The following IL1RAPL2 variants were observed in gnomAD, a reference collection of about 807,000 sequenced individuals.
The protein encoded by IL1RAPL2 is X-linked interleukin-1 receptor accessory protein-like 2.
Under a neutral mutation model 44.1 loss-of-function variants are expected in IL1RAPL2, and 3 were observed. The ratio of observed to expected loss-of-function variants is 0.07; its 90% confidence interval spans 0.03 to 0.18. The LOEUF (loss-of-function observed/expected upper bound fraction) is 0.18, where lower values mean the gene tolerates loss of function less well. Ranked by LOEUF, IL1RAPL2 falls within the 10% of genes least tolerant of loss-of-function variation. The pLI is 1.00. For missense variants in IL1RAPL2, 391 were observed against 496.4 expected (o/e 0.79, Z 2.02); for synonymous variants, 181 against 178.8 (o/e 1.01, Z -0.10).
intron 9 of IL1RAPL2, among the ~76,000 whole-genome samples, chrX:105,754,065 T>C (rs1967367756): frequency 8.9e-6 from 1 of 112,065 alleles, no homozygotes; most frequent in African/African-American, 3.2e-5. Flanking sequence ...TACCTTTTGG[T>C]CAGGTTTTAG....
chrX:104,994,926 C>A (rs1451552162), intron 2 of IL1RAPL2, among the ~76,000 whole-genome samples: 2 of 110,384 alleles, frequency 1.8e-5, no homozygotes, highest in East Asian at 5.8e-4. Flanking sequence ...GATAGATGTA[C>A]AAGACCTGGG....
At chrX:104,892,405 G>T (rs958443092) in intron 2 of IL1RAPL2, among the ~76,000 whole-genome samples, 3 of 111,555 alleles carry the variant, frequency 2.7e-5, no homozygotes, top group African/African-American at 6.5e-5. Context: ...GTAGAATTCG[G>T]CTGTGAATCT....
chrX:104,909,779 A>T (rs1014213475), intron 2 of IL1RAPL2, among the ~76,000 whole-genome samples: 2 of 112,377 alleles, frequency 1.8e-5, no homozygotes, highest in Admixed American at 1.9e-4. Context: ...AAGTCTGCAG[A>T]GGTTACTGCT....
intron 6 of IL1RAPL2, among the ~76,000 whole-genome samples, chrX:105,591,899 G>T (rs1185834619): frequency 4.5e-5 from 5 of 111,113 alleles, no homozygotes; most frequent in African/African-American, 1.3e-4. Context: ...TTGTTGTTTT[G>T]GGTGGAGAGT....
At chrX:104,946,207 C>T (rs1197804018) in intron 2 of IL1RAPL2, among the ~76,000 whole-genome samples, 1 of 100,257 alleles carries the variant, frequency 1.0e-5, no homozygotes, top group African/African-American at 3.6e-5. Context: ...CCCGTCTCTA[C>T]TAAAAATACA....
At chrX:105,025,938 G>A (rs2031363620) in intron 2 of IL1RAPL2, among the ~76,000 whole-genome samples, 3 of 111,207 alleles carry the variant, frequency 2.7e-5, no homozygotes, top group Admixed American at 1.9e-4. Context: ...TGAGCATAGG[G>A]TAGAGGTTGA....
chrX:105,603,722 C>T (rs1338313486), intron 6 of IL1RAPL2, among the ~76,000 whole-genome samples: 1 of 111,551 alleles, frequency 9.0e-6, no homozygotes, highest in Non-Finnish European at 1.9e-5. Flanking sequence ...ATACAGAATA[C>T]ATATTCTTCT....
At chrX:105,115,367 T>G (rs1216000656) in intron 2 of IL1RAPL2, among the ~76,000 whole-genome samples, 2 of 111,637 alleles carry the variant, frequency 1.8e-5, no homozygotes, top group Non-Finnish European at 3.8e-5. Context: ...CCTGCCTTTA[T>G]TCTCTTATCT....
At chrX:105,401,597 G>A (rs1340953325) in intron 5 of IL1RAPL2, among the ~76,000 whole-genome samples, 2 of 110,344 alleles carry the variant, frequency 1.8e-5, no homozygotes, top group African/African-American at 6.6e-5. Context: ...CAACTGGGAG[G>A]CAGTCCAGAG....
At chrX:105,364,427 T>C (rs1191731872) in intron 5 of IL1RAPL2, among the ~76,000 whole-genome samples, 1 of 111,034 alleles carries the variant, frequency 9.0e-6, no homozygotes, top group Non-Finnish European at 1.9e-5. Flanking sequence ...TCCATATGAA[T>C]TTTAGGATTG....
intron 2 of IL1RAPL2, among the ~76,000 whole-genome samples, chrX:104,998,617 T>TA (rs1467521458): frequency 9.1e-6 from 1 of 109,532 alleles, no homozygotes; most frequent in Non-Finnish European, 1.9e-5. Flanking sequence ...TTACAAAAAA[T>TA]AAAAAATCAA....
In IL1RAPL2 at chrX:105,406,580, C is replaced by T. The variant is rs1429069855; in HGVS notation, c.698-77733C>T. ...GTGGTGCTGATCTTTCTCGTTTGGA[C>T]CTTCGATACATTAACTTCAAAATGG... On this transcript the variant is annotated intron_variant, in intron 5 of 10. Transcript: ENST00000372582. 17 of 1,186,783 alleles carry T rather than the reference C, an allele frequency of 1.4e-5. No individual in the cohort carries two copies. In the East Asian group the frequency reaches 4.2e-4, roughly 29 times the overall value.
intron 2 of IL1RAPL2, among the ~76,000 whole-genome samples, chrX:104,885,330 C>G (rs1398866384): frequency 9.0e-6 from 1 of 111,475 alleles, no homozygotes; most frequent in African/African-American, 3.3e-5. Flanking sequence ...TCGTAAACAT[C>G]TATTGACCTG....
At chrX:104,681,551 G>A (rs1930891954) in intron 2 of IL1RAPL2, among the ~76,000 whole-genome samples, 1 of 112,730 alleles carries the variant, frequency 8.9e-6, no homozygotes, top group African/African-American at 3.2e-5. Context: ...TGAAACAAAT[G>A]AGGTATTTTT....
intron 6 of IL1RAPL2, among the ~76,000 whole-genome samples, chrX:105,683,664 A>G (rs945613570): frequency 1.8e-5 from 2 of 112,081 alleles, no homozygotes; most frequent in African/African-American, 3.2e-5. Context: ...CTTTCCATGG[A>G]AAATAAAAAT....
At chrX:104,757,101 A>G (rs1055004039) in intron 2 of IL1RAPL2, among the ~76,000 whole-genome samples, 3 of 111,845 alleles carry the variant, frequency 2.7e-5, no homozygotes, top group African/African-American at 9.7e-5. Context: ...AATGATTGCA[A>G]TAGACTAAAG....
intron 2 of IL1RAPL2, among the ~76,000 whole-genome samples, chrX:104,961,736 AT>A (rs1458707306): frequency 8.9e-6 from 1 of 112,059 alleles, no homozygotes; most frequent in African/African-American, 3.2e-5. Context: ...CCCCACTGGA[AT>A]GTAAGAGCAG....
In IL1RAPL2 at chrX:104,924,022, T is replaced by C. The variant is rs148771036; in HGVS notation, c.82+265027T>C. Reference sequence around the variant, plus strand: ...AAGGGGTAGCCATTCTTATATCTGATTAAAACACACTATAACAATAGTAAA... The same window carrying C: ...AAGGGGTAGCCATTCTTATATCTGACTAAAACACACTATAACAATAGTAAA... On this transcript the variant is annotated intron_variant, in intron 2 of 10. Coordinates refer to ENST00000372582, the MANE Select transcript of IL1RAPL2 (RefSeq NM_017416.2). 1.0e-4 allele frequency among the ~76,000 whole-genome samples: 9 copies of C among 87,098 alleles called. No individual in the cohort carries two copies. The East Asian group carries it at 2.9e-3, about 28-fold the overall frequency. The allele number at this position is 87,098 out of a possible 115,157, so 75.6% of individuals were successfully genotyped here.
chrX:105,075,111 T>C (rs1285924097), intron 2 of IL1RAPL2, among the ~76,000 whole-genome samples: 1 of 111,389 alleles, frequency 9.0e-6, no homozygotes, highest in African/African-American at 3.3e-5. Flanking sequence ...GGCATCCCTG[T>C]CTTGTGCCAG....
Sources: allele counts gnomAD v4.1 joint callset (sites outside exome capture counted in the v4.1 genomes callset), GRCh38; gene constraint gnomAD v4.1.1; transcripts MANE v1.5; gene names NCBI Gene and HGNC (gene_info 2026-07-23, HGNC 2026-07-21).